The following ADAMTSL1 variants were observed in gnomAD, a reference collection of about 807,000 sequenced individuals.
ADAMTSL1 encodes ADAMTS-like protein 1.
Under a neutral mutation model 201.8 loss-of-function variants are expected in ADAMTSL1, and 126 were observed. The observed-to-expected ratio is 0.62, with a 90% confidence interval of 0.54 to 0.72. ADAMTSL1 has a LOEUF of 0.72. Among genes scored for constraint, ADAMTSL1 ranks in the 30% least tolerant of loss-of-function variants. The probability of loss-of-function intolerance (pLI) is 0.00; values close to 1 mark genes in which losing one functional copy is unlikely to be tolerated. For synonymous variants in ADAMTSL1, 1,121 were observed against 903.4 expected, an observed-to-expected ratio of 1.24 and a Z score of -4.32; for missense variants, 2,679 against 2,277.8, an observed-to-expected ratio of 1.18 and a Z score of -3.59.
At chr9:17,941,682 G>C (rs1446066006) in intron 1 of ADAMTSL1, among the ~76,000 whole-genome samples, 1 of 152,128 alleles carries the variant, frequency 6.6e-6, no homozygotes, top group Non-Finnish European at 1.5e-5. Flanking sequence ...TCATATGTAT[G>C]TGTAAGTGTG....
chr9:18,400,906 G>T lies in ADAMTSL1; in HGVS notation c.208-103923G>T, dbSNP rs191269469. Among the ~76,000 whole-genome samples the T allele has an allele frequency of 3.3e-5, 5 of 152,204 alleles. No individual in the cohort carries two copies. In the East Asian group the frequency reaches 7.7e-4, roughly 24 times the overall value. ...TCAGGACAGCTGGCAATAACTGTAC[G>T]ATACCCTGGAGTAATTGTAAACAGC... On this transcript the variant is annotated intron_variant, in intron 2 of 29. Coordinates refer to the ADAMTSL1 transcript ENST00000680146.
chr9:18,289,112 C>T (rs1049386473), intron 2 of ADAMTSL1, among the ~76,000 whole-genome samples: 1 of 150,778 alleles, frequency 6.6e-6, no homozygotes, highest in Non-Finnish European at 1.5e-5. Flanking sequence ...TAATACATAT[C>T]TTATTGGTGT....
intron 3 of ADAMTSL1, among the ~76,000 whole-genome samples, chr9:18,565,388 T>C (rs1170924294): frequency 6.6e-6 from 1 of 152,176 alleles, no homozygotes; most frequent in East Asian, 1.9e-4. Context: ...TAATGACTAA[T>C]TTTCACAAAC....
intron 2 of ADAMTSL1, among the ~76,000 whole-genome samples, chr9:18,297,987 A>G (rs1274422255): frequency 6.6e-6 from 1 of 152,222 alleles, no homozygotes; most frequent in East Asian, 1.9e-4. Flanking sequence ...TTTCTTTAAC[A>G]TGAGATGATA....
chr9:18,774,180 A>G (rs867781166), intron 17 of ADAMTSL1, among the ~76,000 whole-genome samples: 4 of 151,962 alleles, frequency 2.6e-5, no homozygotes, highest in Admixed American at 6.6e-5. Context: ...CCTCCCATCC[A>G]TCTCCTGCTT....
chr9:18,535,120 A>G (rs928449595), intron 3 of ADAMTSL1, among the ~76,000 whole-genome samples: 19 of 152,188 alleles, frequency 1.2e-4, no homozygotes, highest in Non-Finnish European at 2.2e-4. Flanking sequence ...CAAATTTTCT[A>G]TAGTTTTATG....
intron 1 of ADAMTSL1, among the ~76,000 whole-genome samples, chr9:18,051,060 G>C (rs1821911047): frequency 6.6e-6 from 1 of 152,182 alleles, no homozygotes; most frequent in Non-Finnish European, 1.5e-5. Context: ...CCAGCACTTT[G>C]GGAGGCCAAG....
At chr9:18,591,233 A>G (rs1442489345) in intron 4 of ADAMTSL1, among the ~76,000 whole-genome samples, 2 of 152,172 alleles carry the variant, frequency 1.3e-5, no homozygotes, top group African/African-American at 4.8e-5. Flanking sequence ...TACTATTGTT[A>G]CATCCTCTTG....
At chr9:18,512,130 C>T (rs575575775) in intron 2 of ADAMTSL1, among the ~76,000 whole-genome samples, 1 of 152,288 alleles carries the variant, frequency 6.6e-6, no homozygotes, top group African/African-American at 2.4e-5. Flanking sequence ...TATTTTGGAA[C>T]ATATGCTTAA....
intron 1 of ADAMTSL1, among the ~76,000 whole-genome samples, chr9:18,090,918 A>G (rs113252388): frequency 6.6e-6 from 1 of 151,544 alleles, no homozygotes; most frequent in African/African-American, 2.4e-5. Flanking sequence ...GACCCTTCTT[A>G]TTCTGGGCTG....
chr9:18,856,045 A>C (rs1349058480), intron 23 of ADAMTSL1, among the ~76,000 whole-genome samples: 4 of 152,206 alleles, frequency 2.6e-5, no homozygotes, highest in Admixed American at 2.6e-4. Flanking sequence ...CTTTCCTGGC[A>C]TCTCAGATTC....
chr9:17,985,581 A>G (rs1407067557), intron 1 of ADAMTSL1, among the ~76,000 whole-genome samples: 2 of 152,140 alleles, frequency 1.3e-5, no homozygotes, highest in African/African-American at 2.4e-5. Flanking sequence ...ACTGAAATGT[A>G]GAAACATTTT....
rs1821148034 is a variant in ADAMTSL1, at chr9:18,777,746, G to C, written c.3517G>C (p.Ala1173Pro). 3 of 1,613,650 alleles carry C rather than the reference G, an allele frequency of 1.9e-6. No individual in the cohort carries two copies. In the East Asian group the frequency reaches 6.7e-5, roughly 36 times the overall value. ...KPTILRKISA[A>P]QQLSASEVVT... Reference sequence around the variant, plus strand: ...CACCATCCTGCGCAAGATCTCAGCGGCCCAGCAGCTCTCAGCCTCGGAGGT... The same window carrying C: ...CACCATCCTGCGCAAGATCTCAGCGCCCCAGCAGCTCTCAGCCTCGGAGGT... Residue 1173 changes from alanine (A) to proline (P), a missense_variant, in exon 19 of 29, where the codon GCC becomes CCC. Coordinates refer to ENST00000380548, the MANE Select transcript of ADAMTSL1 (RefSeq NM_001040272.6).
chr9:18,241,888 C>T (rs1385035168), intron 2 of ADAMTSL1, among the ~76,000 whole-genome samples: 3 of 152,026 alleles, frequency 2.0e-5, no homozygotes, highest in South Asian at 2.1e-4. Context: ...AAAACCCTTA[C>T]AGCAACAAAA....
At chr9:18,452,349 G>A (rs977276583) in intron 2 of ADAMTSL1, among the ~76,000 whole-genome samples, 2 of 152,166 alleles carry the variant, frequency 1.3e-5, no homozygotes, top group African/African-American at 4.8e-5. Flanking sequence ...CACTTGCACT[G>A]GGGCTGACTT....
intron 4 of ADAMTSL1, among the ~76,000 whole-genome samples, chr9:18,586,953 A>G (rs1766885609): frequency 6.6e-6 from 1 of 152,206 alleles, no homozygotes; most frequent in South Asian, 2.1e-4. Flanking sequence ...ACTCAAGTAG[A>G]TTAAAGACTT....
rs200666292 is a variant in ADAMTSL1, at chr9:17,909,958, T to G, written c.87+3036T>G. The stretch of plus-strand genomic sequence containing the variant: ...TAACTAACCTGCACATTGTGCACAT[T>G]TACCCTAAAACTTAAAGTATAATTA... On this transcript the variant is annotated intron_variant, in intron 1 of 29. Transcript: ENST00000680146. Among the ~76,000 whole-genome samples the G allele has an allele frequency of 9.7e-4, 62 of 64,178 alleles. 11 individuals carry two copies. The highest frequency in any genetic ancestry group is 1.9e-3 in the African/African-American group (60 of 31,494). The allele number at this position is 64,178 out of a possible 152,430, so 42.1% of individuals were successfully genotyped here.
intron 23 of ADAMTSL1, among the ~76,000 whole-genome samples, chr9:18,864,855 T>C (rs978083994): frequency 1.3e-5 from 2 of 152,236 alleles, no homozygotes; most frequent in African/African-American, 4.8e-5. Context: ...TCTGTCATAG[T>C]TGGAGCAAAT....
chr9:18,767,877 G>T lies in ADAMTSL1; in HGVS notation c.2218-2725G>T, dbSNP rs78523840. Among the ~76,000 whole-genome samples the T allele has an allele frequency of 3.7e-3, 564 of 152,328 alleles. 1 individual carries two copies. Among genetic ancestry groups the T allele is most frequent in the Non-Finnish European group, 5.2e-3 (357 of 68,036 alleles). The stretch of plus-strand genomic sequence containing the variant: ...CAGTTACTTGAATCATTAGCTCTGA[G>T]ACCATAGATTTTGTTCTTAATCAAG... On this transcript the variant is annotated intron_variant, in intron 16 of 28. Coordinates refer to ENST00000380548, the MANE Select transcript of ADAMTSL1 (RefSeq NM_001040272.6).
Sources: allele counts gnomAD v4.1 joint callset (sites outside exome capture counted in the v4.1 genomes callset), GRCh38; gene constraint gnomAD v4.1.1; transcripts MANE v1.5; gene names NCBI Gene and HGNC (gene_info 2026-07-23, HGNC 2026-07-21).